TMEM255B: variants seen among roughly 807,000 people sequenced by gnomAD.
TMEM255B encodes transmembrane protein 255B.
A neutral mutation model predicts 34.5 loss-of-function variants in TMEM255B; 35 were observed. The ratio of observed to expected loss-of-function variants is 1.01; its 90% CI spans 0.77 to 1.34. The LOEUF (loss-of-function observed/expected upper bound fraction) is 1.34. Ranked by LOEUF, TMEM255B falls within the 40% of genes most tolerant of loss-of-function variation. TMEM255B has a pLI of 0.00. For missense variants in TMEM255B, 432 were observed against 433.2 expected, an observed-to-expected ratio of 1.00 and a Z score of 0.02; for synonymous variants, 206 against 201.2, an observed-to-expected ratio of 1.02 and a Z score of -0.20.
In TMEM255B at chr13:113,811,636, TG is replaced by T. The variant is rs549370274; in HGVS notation, c.814-96del. The stretch of plus-strand genomic sequence containing the variant: ...GGTGGCCCTGGGTTGGCGGGGTGGG[TG>T]GGGAGCGTGTGAGTGGCCCTGGTAT... On this transcript the variant is annotated intron_variant, in intron 8 of 8. Transcript: ENST00000375353. 85 of 1,379,558 alleles carry T rather than the reference TG, an allele frequency of 6.2e-5. No homozygotes were observed. In the South Asian group the frequency reaches 9.8e-4, roughly 16 times the overall value. The allele number at this position is 1,379,558 out of a possible 1,614,324, so 85.5% of individuals were successfully genotyped here.
In TMEM255B at chr13:113,804,880, G is replaced by A; in HGVS notation, c.670-5G>A. On this transcript the variant is annotated splice_polypyrimidine_tract_variant and splice_region_variant and intron_variant, in intron 7 of 8. Coordinates refer to ENST00000375353, the MANE Select transcript of TMEM255B (RefSeq NM_182614.4). ...CGCCGACCACCCGTCTCCTCTCCATGGCAGGTGCCTCTGTCCCAGCTGGCC... is the reference window on the plus strand; with the variant it reads ...CGCCGACCACCCGTCTCCTCTCCATAGCAGGTGCCTCTGTCCCAGCTGGCC... 1 of 1,597,088 alleles carries A rather than the reference G, an allele frequency of 6.3e-7. No homozygotes were observed. Among genetic ancestry groups the A allele is most frequent in the Non-Finnish European group, 8.5e-7 (1 of 1,177,562 alleles).
rs527919145 is a variant in TMEM255B, at chr13:113,806,627, T to G, written c.813+1599T>G. 6.6e-6 allele frequency among the ~76,000 whole-genome samples: 1 copy of G among 152,256 alleles called. No homozygotes were observed. The highest frequency in any genetic ancestry group is 1.9e-4 in the East Asian group (1 of 5,172). On this transcript the variant is annotated intron_variant, in intron 8 of 8. Transcript: ENST00000375353. The surrounding 1 kb of genome is among the most constrained non-coding windows in gnomAD (Gnocchi z 4.2). Reference sequence around the variant, plus strand: ...TTGCCAGCGACCCTGCAGTGGTCACTCCTGCAGGCAGGCGCGTCTGCTTGG... The same window carrying G: ...TTGCCAGCGACCCTGCAGTGGTCACGCCTGCAGGCAGGCGCGTCTGCTTGG...
intron 1 of TMEM255B, among the ~76,000 whole-genome samples, chr13:113,763,439 A>G (rs949021280): frequency 6.6e-6 from 1 of 152,020 alleles, no homozygotes; most frequent in African/African-American, 2.4e-5. Context: ...TCTCACCTCG[A>G]CTTCCCGACA....
intron 7 of TMEM255B, among the ~76,000 whole-genome samples, chr13:113,803,700 G>A (rs368505187): frequency 3.5e-4 from 54 of 152,128 alleles, no homozygotes; most frequent in African/African-American, 1.3e-3. Context: ...GGCCCACCTC[G>A]GCTGCCCCCC....
intron 1 of TMEM255B, among the ~76,000 whole-genome samples, chr13:113,760,260 AAAAG>A (rs1299937106): frequency 3.9e-5 from 6 of 152,240 alleles, no homozygotes; most frequent in Non-Finnish European, 8.8e-5. Flanking sequence ...GCTTCTTTCT[AAAAG>A]AAACCACTAT....
intron 2 of TMEM255B, 165 bp from the exon 3 acceptor site, chr13:113,768,933 C>T: frequency 1.4e-6 from 1 of 732,300 alleles, no homozygotes; most frequent in Non-Finnish European, 2.5e-6. Flanking sequence ...CCAACGCCAG[C>T]AGACGCACCT....
At chr13:113,809,067 G>A (rs2051248533) in intron 8 of TMEM255B, among the ~76,000 whole-genome samples, 1 of 136,378 alleles carries the variant, frequency 7.3e-6, no homozygotes, top group Middle Eastern at 4.3e-3. Context: ...GTTTCCTGGG[G>A]GTTTACTCTG....
chr13:113,781,178 C>T (rs571909122), intron 3 of TMEM255B, among the ~76,000 whole-genome samples: 1 of 152,288 alleles, frequency 6.6e-6, no homozygotes, highest in East Asian at 1.9e-4. Context: ...CCTTTTATAA[C>T]TCTTTACAAT....
chr13:113,802,971 C>A (rs1220210659), intron 7 of TMEM255B: 1 of 148,284 alleles, frequency 6.7e-6, no homozygotes, highest in Non-Finnish European at 1.5e-5. Flanking sequence ...GCTCCGGGCG[C>A]CTTTGGCGTC....
chr13:113,767,278 C>T (rs1384489186), intron 2 of TMEM255B, among the ~76,000 whole-genome samples: 2 of 152,166 alleles, frequency 1.3e-5, no homozygotes, highest in Admixed American at 1.3e-4. Context: ...CACTATCTAC[C>T]TGTGTATAGT....
chr13:113,759,641 C>A (rs1189593772), intron 1 of TMEM255B, among the ~76,000 whole-genome samples: 1 of 152,368 alleles, frequency 6.6e-6, no homozygotes, highest in South Asian at 2.1e-4. Flanking sequence ...TGGCCTCTCT[C>A]TCCCTGTTAC....
At chr13:113,763,927 G>A (rs1040249297) in intron 1 of TMEM255B, among the ~76,000 whole-genome samples, 1 of 152,266 alleles carries the variant, frequency 6.6e-6, no homozygotes, top group Non-Finnish European at 1.5e-5. Flanking sequence ...AGGCTGAGAA[G>A]CGAGGGACTG....
chr13:113,774,758 ACACAC>A (rs2050539783), intron 3 of TMEM255B, among the ~76,000 whole-genome samples: 4 of 149,816 alleles, frequency 2.7e-5, no homozygotes, highest in Non-Finnish European at 5.9e-5. Context: ...TACACACACC[ACACAC>A]CACACACAAC....
intron 7 of TMEM255B, among the ~76,000 whole-genome samples, chr13:113,804,603 G>A (rs1046277626): frequency 1.3e-5 from 2 of 151,446 alleles, no homozygotes; most frequent in African/African-American, 4.8e-5. Context: ...ATAAACGCAC[G>A]CCGGGCCGGG....
In TMEM255B at chr13:113,815,394, G is replaced by A. The variant is rs748615661; in HGVS notation, c.*3491G>A. 1 of 151,734 alleles carries A rather than the reference G, an allele frequency of 6.6e-6. No homozygotes were observed. Among genetic ancestry groups the A allele is most frequent in the Non-Finnish European group, 1.5e-5 (1 of 68,034 alleles). The allele number at this position is 151,734 out of a possible 1,614,324, so 9.4% of individuals were successfully genotyped here. A position where few individuals can be genotyped will look rare whatever the true frequency, so the allele number is the denominator to read the frequency against. Reference sequence around the variant, plus strand: ...CCGTCCACATGGGGTCACCGGCCACGGAGAGAGGAAGGGACATGGGTGATA... The same window carrying A: ...CCGTCCACATGGGGTCACCGGCCACAGAGAGAGGAAGGGACATGGGTGATA... On this transcript the variant is annotated 3_prime_UTR_variant, in exon 9 of 9. Coordinates refer to ENST00000375353, the MANE Select transcript of TMEM255B (RefSeq NM_182614.4).
Position 113,806,905 on chromosome 13 carries a change from C to T in TMEM255B, c.813+1877C>T, listed in dbSNP as rs1442906901. Among the ~76,000 whole-genome samples, 1 of 152,222 alleles carries T rather than the reference C, an allele frequency of 6.6e-6. No homozygotes were observed. Among genetic ancestry groups the T allele is most frequent in the Non-Finnish European group, 1.5e-5 (1 of 68,028 alleles). ...TGCTCCCCAAGCGGCTCTACACAGA[C>T]ACAGACTTGGAATCGCATGGGTGCC... On this transcript the variant is annotated intron_variant, in intron 8 of 8. Transcript: ENST00000375353. This position sits in a 1 kb window ranked among gnomAD's most constrained non-coding sequence, Gnocchi z 4.2.
At chr13:113,801,305 G>C (rs1444806868) in intron 6 of TMEM255B, among the ~76,000 whole-genome samples, 1 of 152,202 alleles carries the variant, frequency 6.6e-6, no homozygotes, top group Non-Finnish European at 1.5e-5. Flanking sequence ...GCCCCCTCTT[G>C]GGACAGGGGC....
intron 3 of TMEM255B, among the ~76,000 whole-genome samples, chr13:113,793,454 G>A (rs547734361): frequency 6.7e-6 from 1 of 150,210 alleles, no homozygotes; most frequent in South Asian, 2.1e-4. Flanking sequence ...CAGGGACCGT[G>A]CCGGTCTGGG....
chr13:113,796,608 G>A (rs953674340), intron 4 of TMEM255B, among the ~76,000 whole-genome samples: 2 of 151,968 alleles, frequency 1.3e-5, no homozygotes, highest in Admixed American at 1.3e-4. Flanking sequence ...CTCTAAAGTC[G>A]CAGGCCAAGG....
Sources: allele counts gnomAD v4.1 joint callset (sites outside exome capture counted in the v4.1 genomes callset), GRCh38; gene constraint gnomAD v4.1.1; non-coding constraint Gnocchi (gnomAD v3.1); transcripts MANE v1.5; gene names NCBI Gene and HGNC (gene_info 2026-07-23, HGNC 2026-07-21).